The following SPATA6 variants were observed in gnomAD, a reference collection of about 807,000 sequenced individuals.
The protein encoded by SPATA6 is spermatogenesis-associated protein 6.
A neutral mutation model predicts 65.3 loss-of-function variants in SPATA6; 56 were observed. That is an observed-to-expected ratio of 0.86 (90% CI 0.69 to 1.07). The LOEUF is 1.07. Ranked by LOEUF, SPATA6 falls within the 50% of genes least tolerant of loss-of-function variation. The pLI is 0.00. For missense variants in SPATA6, 590 were observed against 594.8 expected, an observed-to-expected ratio of 0.99 and a Z score of 0.08; for synonymous variants, 199 against 213.2, an observed-to-expected ratio of 0.93 and a Z score of 0.58.
intron 9 of SPATA6, among the ~76,000 whole-genome samples, chr1:48,367,988 G>A (rs369055882): frequency 2.0e-5 from 3 of 152,066 alleles, no homozygotes; most frequent in African/African-American, 7.2e-5. Context: ...TAGGGCAGGC[G>A]TGGTGGTGAC....
At chr1:48,399,679 G>A in intron 6 of SPATA6, 35 bp from the exon 7 acceptor site, 1 of 1,516,382 alleles carries the variant, frequency 6.6e-7, no homozygotes, top group Non-Finnish European at 8.8e-7. Context: ...CTTGGTCAAA[G>A]GGGATTTTTA....
intron 11 of SPATA6, among the ~76,000 whole-genome samples, chr1:48,333,241 T>G (rs1293528122): frequency 2.0e-5 from 3 of 152,192 alleles, no homozygotes; most frequent in Admixed American, 2.0e-4. Context: ...TCTTCCAGCC[T>G]TCATCTTTCT....
At chr1:48,356,871 A>T (rs1453523382) in intron 10 of SPATA6, among the ~76,000 whole-genome samples, 2 of 152,154 alleles carry the variant, frequency 1.3e-5, no homozygotes, top group Non-Finnish European at 2.9e-5. Context: ...TATACAATCT[A>T]CTTTAAAGAA....
the SPATA6 span, among the ~76,000 whole-genome samples, chr1:48,274,607 C>T: frequency 1.3e-5 from 2 of 152,064 alleles, no homozygotes; most frequent in African/African-American, 4.8e-5. Flanking sequence ...AATCATTTCC[C>T]CATTTCTTGT....
At chr1:48,471,294 G>T (rs1051535676) in intron 1 of SPATA6, among the ~76,000 whole-genome samples, 1 of 152,134 alleles carries the variant, frequency 6.6e-6, no homozygotes, top group Non-Finnish European at 1.5e-5. Context: ...TCATAAAAAT[G>T]ACTGGGCCTT....
chr1:48,307,564 T>G (rs1645092654), intron 11 of SPATA6, among the ~76,000 whole-genome samples: 1 of 151,314 alleles, frequency 6.6e-6, no homozygotes, highest in Non-Finnish European at 1.5e-5. Context: ...TTGGTCTTTC[T>G]TGCTTTGTTG....
At chr1:48,371,094 A>T (rs1469546243) in intron 9 of SPATA6, among the ~76,000 whole-genome samples, 1 of 152,202 alleles carries the variant, frequency 6.6e-6, no homozygotes, top group Non-Finnish European at 1.5e-5. Context: ...TTAATTCAGG[A>T]ATGTTAAAGA....
At chr1:48,426,549 G>C (rs1415274803) in intron 3 of SPATA6, among the ~76,000 whole-genome samples, 1 of 152,020 alleles carries the variant, frequency 6.6e-6, no homozygotes, top group Non-Finnish European at 1.5e-5. Flanking sequence ...ACCCTAGAAA[G>C]CAAGTCACCA....
chr1:48,441,772 T>C (rs2148111932), intron 3 of SPATA6, among the ~76,000 whole-genome samples: 1 of 152,272 alleles, frequency 6.6e-6, no homozygotes, highest in South Asian at 2.1e-4. Flanking sequence ...TGTTTATGGG[T>C]AGTTGCAGCG....
intron 9 of SPATA6, among the ~76,000 whole-genome samples, chr1:48,385,048 T>C (rs1308763737): frequency 6.6e-6 from 1 of 152,134 alleles, no homozygotes; most frequent in African/African-American, 2.4e-5. Context: ...TTTCTCTCTC[T>C]CATGCACACA....
downstream of SPATA6, among the ~76,000 whole-genome samples, chr1:48,291,386 C>T (rs368657259): frequency 4.0e-5 from 6 of 151,834 alleles, no homozygotes; most frequent in Non-Finnish European, 5.9e-5. Flanking sequence ...AGACTCTCCT[C>T]GGGCTGGGCT....
At chr1:48,412,162 C>T (rs1011655749) in intron 4 of SPATA6, among the ~76,000 whole-genome samples, 2 of 152,090 alleles carry the variant, frequency 1.3e-5, no homozygotes, top group African/African-American at 4.8e-5. Flanking sequence ...GCCCAGCCAG[C>T]ACTCTATTTT....
the SPATA6 span, among the ~76,000 whole-genome samples, chr1:48,285,571 T>C: frequency 6.6e-6 from 1 of 151,736 alleles, no homozygotes; most frequent in Admixed American, 6.6e-5. Context: ...CCTGGTGGCA[T>C]GGCACCCAAA....
chr1:48,402,719 T>C (rs1651285709), intron 6 of SPATA6: 1 of 152,226 alleles, frequency 6.6e-6, no homozygotes. Flanking sequence ...CCTTCCACGA[T>C]AAGCCCAGTC....
intron 3 of SPATA6, among the ~76,000 whole-genome samples, chr1:48,441,869 AG>A (rs1655516997): frequency 6.6e-6 from 1 of 152,206 alleles, no homozygotes; most frequent in Admixed American, 6.5e-5. Context: ...ATGGCATACT[AG>A]GTGCCAAAGG....
At chr1:48,395,801 TATA>T (rs369761554) in intron 7 of SPATA6, among the ~76,000 whole-genome samples, 307 of 152,010 alleles carry the variant, frequency 2.0e-3, no homozygotes, top group African/African-American at 7.0e-3. Context: ...TATAGCTTAA[TATA>T]ATAATAGTTA....
chr1:48,317,428 C>CA (rs1354787716), intron 11 of SPATA6, among the ~76,000 whole-genome samples: 1 of 150,130 alleles, frequency 6.7e-6, no homozygotes, highest in Non-Finnish European at 1.5e-5. Context: ...ATTGCAAGGA[C>CA]AAAAAACCAA....
chr1:48,318,036 A>C (rs920184271), intron 11 of SPATA6, among the ~76,000 whole-genome samples: 6 of 152,226 alleles, frequency 3.9e-5, no homozygotes, highest in Admixed American at 3.3e-4. Context: ...ATATTAACAG[A>C]ATAAAGGACA....
chr1:48,308,183 T>C (rs761238955), intron 11 of SPATA6, among the ~76,000 whole-genome samples: 1 of 151,984 alleles, frequency 6.6e-6, no homozygotes, highest in Non-Finnish European at 1.5e-5. Flanking sequence ...CCTTCTTTTG[T>C]GTTAGATATT....
Sources: gnomAD v4.1 joint callset for allele counts (sites outside exome capture counted in the v4.1 genomes callset) on GRCh38, gnomAD v4.1.1 for gene constraint, MANE v1.5 for transcripts, NCBI Gene and HGNC (gene_info 2026-07-23, HGNC 2026-07-21) for gene names.